TMEM272: variants seen among roughly 807,000 people sequenced by gnomAD.
The protein encoded by TMEM272 is transmembrane protein 272.
TMEM272 carries 8 observed loss-of-function variants against 3.7 expected under a neutral mutation model. That is an observed-to-expected ratio of 2.17 (90% CI 1.27 to 3.91). The LOEUF (loss-of-function observed/expected upper bound fraction) is 3.91. Among genes scored for constraint, TMEM272 ranks in the 30% most tolerant of loss-of-function variants. The pLI, the probability that TMEM272 is intolerant of heterozygous loss-of-function variation, is 0.00. For synonymous variants in TMEM272, 63 were observed against 39.8 expected, an observed-to-expected ratio of 1.58 and a Z score of -2.20; for missense variants, 166 against 91.5, an observed-to-expected ratio of 1.81 and a Z score of -3.32.
At chr13:51,851,946 C>A in the TMEM272 span, among the ~76,000 whole-genome samples, 2 of 152,206 alleles carry the variant, frequency 1.3e-5, no homozygotes, top group Non-Finnish European at 2.9e-5. Context: ...AACAATACTC[C>A]GATGAATAAC....
the TMEM272 span, among the ~76,000 whole-genome samples, chr13:51,931,268 T>C: frequency 6.8e-6 from 1 of 147,412 alleles, no homozygotes; most frequent in Non-Finnish European, 1.5e-5. Context: ...CATGGAATGC[T>C]ATGTAGCCAT....
At chr13:51,878,234 C>T in the TMEM272 span, among the ~76,000 whole-genome samples, 10 of 151,996 alleles carry the variant, frequency 6.6e-5, no homozygotes, top group Non-Finnish European at 1.0e-4. Flanking sequence ...ATAGAGACCA[C>T]CCTGGCTAAC....
At chr13:51,834,032 G>A (rs935646342) in intron 2 of TMEM272, among the ~76,000 whole-genome samples, 10 of 152,128 alleles carry the variant, frequency 6.6e-5, no homozygotes, top group Non-Finnish European at 1.3e-4. Context: ...CTAGGGAGGC[G>A]GCACCAGGTC....
the TMEM272 span, among the ~76,000 whole-genome samples, chr13:51,873,918 GT>G: frequency 6.6e-6 from 1 of 152,220 alleles, no homozygotes; most frequent in Non-Finnish European, 1.5e-5. Flanking sequence ...CCCTTCTTGT[GT>G]TTGGGGAATT....
rs1450570185 is a variant in TMEM272 at position 51,814,575 on chromosome 13, A to T, written c.*2176T>A. On this transcript the variant is annotated 3_prime_UTR_variant, in exon 5 of 5. Transcript: ENST00000629372. ...GAAGATGTATGACCTATACAAAGAG[A>T]TCATCACCTCTTCCTTACTGCTTTG... is the stretch of plus-strand genomic sequence containing the variant. 1 of 152,268 alleles carries T rather than the reference A, an allele frequency of 6.6e-6. No homozygotes were observed. Among genetic ancestry groups the T allele is most frequent in the East Asian group, 1.9e-4 (1 of 5,200 alleles). The allele number at this position is 152,268 out of a possible 1,614,324, so 9.4% of individuals were successfully genotyped here.
chr13:51,903,559 C>T, the TMEM272 span, among the ~76,000 whole-genome samples: 5 of 152,284 alleles, frequency 3.3e-5, no homozygotes, highest in African/African-American at 9.6e-5. Context: ...GCTCCCCCTA[C>T]TCTCCCCAGA....
At chr13:51,928,187 A>G in the TMEM272 span, among the ~76,000 whole-genome samples, 3 of 152,198 alleles carry the variant, frequency 2.0e-5, no homozygotes, top group Admixed American at 2.0e-4. Context: ...AAGTCCTAGC[A>G]GCAGGCCCCA....
chr13:51,906,957 G>A, the TMEM272 span, among the ~76,000 whole-genome samples: 4 of 152,196 alleles, frequency 2.6e-5, no homozygotes, highest in Non-Finnish European at 5.9e-5. Context: ...GTTCAGAAAC[G>A]CCTTTGCAGT....
At chr13:51,865,822 C>A in the TMEM272 span, 2 of 1,614,202 alleles carry the variant, frequency 1.2e-6, no homozygotes, top group Admixed American at 1.7e-5. Context: ...GAGACCGGAA[C>A]CTTCTTCAGG....
chr13:51,894,799 T>C, the TMEM272 span, among the ~76,000 whole-genome samples: 1 of 152,088 alleles, frequency 6.6e-6, no homozygotes, highest in Non-Finnish European at 1.5e-5. Context: ...AGTGTGCACT[T>C]GATTTCTATT....
the TMEM272 span, among the ~76,000 whole-genome samples, chr13:51,884,957 G>A: frequency 6.6e-6 from 1 of 152,318 alleles, no homozygotes; most frequent in African/African-American, 2.4e-5. Context: ...AAATGAAACA[G>A]TGTTTTACCA....
At chr13:51,859,146 G>T in the TMEM272 span, among the ~76,000 whole-genome samples, 1 of 150,584 alleles carries the variant, frequency 6.6e-6, no homozygotes, top group Admixed American at 6.6e-5. Flanking sequence ...AGCTTACTCT[G>T]TGCAAATAAC....
chr13:51,893,451 G>C, the TMEM272 span, among the ~76,000 whole-genome samples: 1 of 152,196 alleles, frequency 6.6e-6, no homozygotes, highest in South Asian at 2.1e-4. Flanking sequence ...TCTTCCTTTA[G>C]CTTCACCAGG....
the TMEM272 span, among the ~76,000 whole-genome samples, chr13:51,916,932 C>T: frequency 3.3e-5 from 5 of 152,188 alleles, no homozygotes; most frequent in South Asian, 2.1e-4. Context: ...TGGGAAGCTG[C>T]GTGATCACCT....
At chr13:51,880,265 T>C in the TMEM272 span, among the ~76,000 whole-genome samples, 1 of 109,048 alleles carries the variant, frequency 9.2e-6, no homozygotes. Flanking sequence ...TCAAATTCAA[T>C]TCCTTTCACC....
intron 2 of TMEM272, among the ~76,000 whole-genome samples, chr13:51,832,973 C>T (rs979045794): frequency 2.6e-5 from 4 of 152,074 alleles, no homozygotes; most frequent in East Asian, 1.9e-4. Flanking sequence ...GCAGGGGCAG[C>T]GCACAATGCA....
intron 2 of TMEM272, among the ~76,000 whole-genome samples, chr13:51,835,757 A>G (rs1956211893): frequency 6.6e-6 from 1 of 152,266 alleles, no homozygotes; most frequent in Non-Finnish European, 1.5e-5. Flanking sequence ...ATTCAAACAA[A>G]TACAAAGAGT....
chr13:51,920,982 C>T, the TMEM272 span, among the ~76,000 whole-genome samples: 1 of 152,358 alleles, frequency 6.6e-6, no homozygotes, highest in South Asian at 2.1e-4. Context: ...TCCCCTTAGG[C>T]TCAAACTCAT....
At chr13:51,831,567 A>T (rs563278075) in intron 2 of TMEM272, among the ~76,000 whole-genome samples, 2 of 152,322 alleles carry the variant, frequency 1.3e-5, no homozygotes, top group Admixed American at 1.3e-4. Flanking sequence ...ATCCACTGGG[A>T]TGGAAATCAT....
Sources: allele counts gnomAD v4.1 joint callset (sites outside exome capture counted in the v4.1 genomes callset), GRCh38; gene constraint gnomAD v4.1.1; transcripts MANE v1.5; gene names NCBI Gene and HGNC (gene_info 2026-07-23, HGNC 2026-07-21).